Variants in FAM78B observed in about 807,000 individuals in gnomAD.
The protein encoded by FAM78B is protein FAM78B.
A neutral mutation model predicts 20.0 loss-of-function variants in FAM78B; 10 were observed. The ratio of observed to expected loss-of-function variants is 0.50; its 90% CI spans 0.31 to 0.85. The LOEUF (loss-of-function observed/expected upper bound fraction) is 0.85. Ranked by LOEUF, FAM78B falls within the 40% of genes least tolerant of loss-of-function variation. The pLI is 0.05. For missense variants in FAM78B, 283 were observed against 345.0 expected, an observed-to-expected ratio of 0.82 and a Z score of 1.42; for synonymous variants, 135 against 132.8, an observed-to-expected ratio of 1.02 and a Z score of -0.12.
At chr1:166,119,118 CT>C (rs1188952435) in intron 1 of FAM78B, among the ~76,000 whole-genome samples, 1 of 152,072 alleles carries the variant, frequency 6.6e-6, no homozygotes, top group Non-Finnish European at 1.5e-5. Flanking sequence ...CTTCTAAGAG[CT>C]TTGAAGACAA....
chr1:166,085,255 T>C (rs902505649), intron 1 of FAM78B, among the ~76,000 whole-genome samples: 1 of 152,206 alleles, frequency 6.6e-6, no homozygotes, highest in Non-Finnish European at 1.5e-5. Context: ...CTGAATCTAA[T>C]GGCAGCATAT....
intron 1 of FAM78B, among the ~76,000 whole-genome samples, chr1:166,122,503 A>G (rs1249521584): frequency 6.6e-6 from 1 of 152,236 alleles, no homozygotes; most frequent in African/African-American, 2.4e-5. Context: ...AACATTATAT[A>G]AGCCAACTCA....
chr1:166,100,640 G>C (rs1419321083), intron 1 of FAM78B, among the ~76,000 whole-genome samples: 7 of 152,252 alleles, frequency 4.6e-5, no homozygotes, highest in Admixed American at 4.6e-4. Context: ...CAGCAAGGCT[G>C]GGGGAGGGGC....
intron 1 of FAM78B, among the ~76,000 whole-genome samples, chr1:166,076,143 A>T (rs1447206237): frequency 6.6e-6 from 1 of 152,200 alleles, no homozygotes; most frequent in East Asian, 1.9e-4. Context: ...AGCCACAGTG[A>T]TCTTGTTAAA....
At chr1:166,154,853 G>A (rs80236423) in intron 1 of FAM78B, 5,202 of 472,358 alleles carry the variant, frequency 0.011, 53 homozygotes, top group Middle Eastern at 0.03. Flanking sequence ...AGAAGCAAAT[G>A]AGCTAGATGA....
chr1:166,114,917 T>C (rs1180362330), intron 1 of FAM78B, among the ~76,000 whole-genome samples: 1 of 152,204 alleles, frequency 6.6e-6, no homozygotes, highest in Non-Finnish European at 1.5e-5. Context: ...CCCAGGGAGA[T>C]AGTCTGGTCT....
chr1:166,082,235 T>G (rs930921887), intron 1 of FAM78B, among the ~76,000 whole-genome samples: 16 of 152,332 alleles, frequency 1.1e-4, no homozygotes, highest in Admixed American at 2.0e-4. Flanking sequence ...CTTCTGGCTC[T>G]CTAGACTTCA....
At chr1:166,105,998 C>G (rs1653765218) in intron 1 of FAM78B, among the ~76,000 whole-genome samples, 1 of 151,872 alleles carries the variant, frequency 6.6e-6, no homozygotes. Context: ...AAATGTGGCA[C>G]ATATACACCA....
chr1:166,056,877 C>A (rs74975395), downstream of FAM78B, among the ~76,000 whole-genome samples: 2 of 152,130 alleles, frequency 1.3e-5, no homozygotes, highest in South Asian at 2.1e-4. Flanking sequence ...TCCTAACCCC[C>A]ATGGTGATAG....
At chr1:166,130,980 GCTT>G (rs1169537705) in intron 1 of FAM78B, among the ~76,000 whole-genome samples, 1 of 139,092 alleles carries the variant, frequency 7.2e-6, no homozygotes, top group East Asian at 2.1e-4. Flanking sequence ...CTCCCCAGGT[GCTT>G]TTTTTTTTTT....
intron 1 of FAM78B, among the ~76,000 whole-genome samples, chr1:166,110,869 A>G (rs79409198): frequency 0.019 from 2,909 of 152,314 alleles, 92 homozygotes; most frequent in African/African-American, 0.067. Context: ...TTAAGAAGTT[A>G]CAAGTGTGAG....
downstream of FAM78B, among the ~76,000 whole-genome samples, chr1:166,057,250 T>C (rs1651386898): frequency 1.3e-5 from 2 of 152,196 alleles, no homozygotes; most frequent in African/African-American, 4.8e-5. Flanking sequence ...AATTGTCTTT[T>C]GGACCAAATT....
chr1:166,064,356 G>A (rs562500934), downstream of FAM78B, among the ~76,000 whole-genome samples: 11 of 152,114 alleles, frequency 7.2e-5, no homozygotes, highest in South Asian at 2.1e-4. Context: ...ATTTTCCTCT[G>A]AATCTCTTGT....
At chr1:166,157,027 GGGCGGC>G (rs1198785741) in intron 1 of FAM78B, among the ~76,000 whole-genome samples, 64 of 26,862 alleles carry the variant, frequency 2.4e-3, no homozygotes, top group African/African-American at 4.7e-3. Context: ...GACGTCAAGG[GGGCGGC>G]GGAGGGGGGG....
At chr1:166,136,578 T>C (rs542646600) in intron 1 of FAM78B, among the ~76,000 whole-genome samples, 1 of 152,024 alleles carries the variant, frequency 6.6e-6, no homozygotes. Flanking sequence ...ACTTTACCGA[T>C]AAGTAATGGC....
At chr1:166,114,464 A>G (rs1654182953) in intron 1 of FAM78B, among the ~76,000 whole-genome samples, 1 of 152,242 alleles carries the variant, frequency 6.6e-6, no homozygotes, top group African/African-American at 2.4e-5. Context: ...CTGTGTGAAT[A>G]CTGAATACTA....
intron 1 of FAM78B, among the ~76,000 whole-genome samples, chr1:166,125,781 C>T (rs1321120025): frequency 6.6e-6 from 1 of 151,764 alleles, no homozygotes; most frequent in Non-Finnish European, 1.5e-5. Flanking sequence ...TAAATAATTG[C>T]AACATTATAT....
At chr1:166,072,859 C>T (rs1557888561) in intron 1 of FAM78B, among the ~76,000 whole-genome samples, 1 of 152,148 alleles carries the variant, frequency 6.6e-6, no homozygotes, top group Non-Finnish European at 1.5e-5. Context: ...ACTTTTTATT[C>T]TGTTACAACA....
At chr1:166,091,217 T>G (rs1194222142) in intron 1 of FAM78B, among the ~76,000 whole-genome samples, 5 of 152,062 alleles carry the variant, frequency 3.3e-5, no homozygotes, top group African/African-American at 1.2e-4. Context: ...GGGGAGGTGG[T>G]GGCCTTGACA....
Sources: allele counts gnomAD v4.1 joint callset (sites outside exome capture counted in the v4.1 genomes callset), GRCh38; gene constraint gnomAD v4.1.1; transcripts MANE v1.5; gene names NCBI Gene and HGNC (gene_info 2026-07-23, HGNC 2026-07-21).